PACRG: variants seen among roughly 807,000 people sequenced by gnomAD.
PACRG encodes the protein parkin coregulated gene protein.
Under a neutral mutation model 29.7 loss-of-function variants are expected in PACRG, and 29 were observed. The observed-to-expected ratio is 0.98, with a 90% confidence interval of 0.73 to 1.33. The LOEUF is 1.33. Among genes scored for constraint, PACRG ranks in the 40% most tolerant of loss-of-function variants. PACRG has a pLI of 0.00. For synonymous variants in PACRG, 116 were observed against 118.7 expected (o/e 0.98, Z 0.15); for missense variants, 279 against 316.2 (o/e 0.88, Z 0.89).
chr6:162,963,573 T>C (rs1357212360), intron 2 of PACRG, among the ~76,000 whole-genome samples: 1 of 150,372 alleles, frequency 6.7e-6, no homozygotes, highest in Non-Finnish European at 1.5e-5. Flanking sequence ...TAATACAATG[T>C]GTAAATTTGT....
intron 4 of PACRG, among the ~76,000 whole-genome samples, chr6:163,145,959 CAT>C (rs1777784762): frequency 6.6e-6 from 1 of 152,260 alleles, no homozygotes; most frequent in East Asian, 1.9e-4. Flanking sequence ...ACCTTTCTAA[CAT>C]GTATTAAGTC....
Position 162,796,292 on chromosome 6 carries a change from G to GT in PACRG, c.157-17850dup, listed in dbSNP as rs139268894. Among the ~76,000 whole-genome samples the GT allele has an allele frequency of 2.1e-3, 323 of 152,058 alleles. 7 individuals are homozygous for GT. The East Asian group carries it at 0.056, about 26-fold the overall frequency. On this transcript the variant is annotated intron_variant, in intron 1 of 4. Transcript: ENST00000366888. ...GTCACTTTGTTTTTAGCACAGACGT[G>GT]TTTTTCTTTATGATCAAAACTGAAA...
intron 2 of PACRG, among the ~76,000 whole-genome samples, chr6:162,939,205 A>C (rs567599473): frequency 3.3e-5 from 5 of 152,302 alleles, no homozygotes; most frequent in African/African-American, 4.8e-5. Context: ...AGCCACATGT[A>C]GTAGAATGAA....
chr6:163,300,572 C>T (rs1784950146), intron 4 of PACRG, among the ~76,000 whole-genome samples: 1 of 152,202 alleles, frequency 6.6e-6, no homozygotes. Flanking sequence ...TCCTCGTGGC[C>T]AGCAACGGGC....
chr6:162,929,106 G>T (rs888407497), intron 2 of PACRG, among the ~76,000 whole-genome samples: 2 of 151,826 alleles, frequency 1.3e-5, no homozygotes, highest in Non-Finnish European at 2.9e-5. Context: ...TTAATATATT[G>T]ATTCCCTTTC....
chr6:163,281,634 T>G (rs1784230323), intron 4 of PACRG, among the ~76,000 whole-genome samples: 1 of 152,154 alleles, frequency 6.6e-6, no homozygotes, highest in African/African-American at 2.4e-5. Context: ...CTCTAGTAAA[T>G]GAACCTTCAA....
chr6:162,913,168 C>T (rs1796432112), intron 2 of PACRG, among the ~76,000 whole-genome samples: 1 of 152,156 alleles, frequency 6.6e-6, no homozygotes, highest in South Asian at 2.1e-4. Flanking sequence ...GGTGTACAAT[C>T]TGCTAAATGT....
At chr6:163,265,277 T>G (rs1284621141) in intron 4 of PACRG, among the ~76,000 whole-genome samples, 1 of 152,164 alleles carries the variant, frequency 6.6e-6, no homozygotes, top group Non-Finnish European at 1.5e-5. Context: ...CCATCACCTG[T>G]GTGCAGGCCC....
chr6:162,776,984 A>T (rs1286045954), intron 1 of PACRG, among the ~76,000 whole-genome samples: 123 of 152,330 alleles, frequency 8.1e-4, no homozygotes, highest in Non-Finnish European at 7.3e-5. Flanking sequence ...TACAGTGCAC[A>T]CTGCTCAGGT....
chr6:162,906,175 A>G (rs945479798), intron 2 of PACRG, among the ~76,000 whole-genome samples: 6 of 152,186 alleles, frequency 3.9e-5, no homozygotes, highest in Non-Finnish European at 8.8e-5. Context: ...GTGTGTTCCA[A>G]AAAAAGGAAT....
At chr6:163,126,172 A>C (rs576596087) in intron 4 of PACRG, among the ~76,000 whole-genome samples, 1 of 152,302 alleles carries the variant, frequency 6.6e-6, no homozygotes, top group South Asian at 2.1e-4. Flanking sequence ...CTGGGATGAT[A>C]AATTTTTATT....
Position 162,933,430 on chromosome 6 carries a change from G to T in PACRG, c.291+119149G>T, listed in dbSNP as rs114946633. 9.0e-3 allele frequency among the ~76,000 whole-genome samples: 1,369 copies of T among 152,170 alleles called. 15 individuals are homozygous for T. The highest frequency in any genetic ancestry group is 0.024 in the African/African-American group (995 of 41,534). ...CTAGATGATTTTTCCAAACCTAAAAGTGGGGTATTGAAGTCCCCAGCTTTT... is the reference window on the plus strand; with the variant it reads ...CTAGATGATTTTTCCAAACCTAAAATTGGGGTATTGAAGTCCCCAGCTTTT... On this transcript the variant is annotated intron_variant, in intron 2 of 4. Transcript: ENST00000366888.
chr6:162,766,372 GTCGCAAA>G (rs1782794447), intron 1 of PACRG, among the ~76,000 whole-genome samples: 1 of 152,008 alleles, frequency 6.6e-6, no homozygotes, highest in Admixed American at 6.6e-5. Context: ...TTCTCATGTT[GTCGCAAA>G]TGATAGAATT....
At chr6:163,193,174 G>A (rs988473539) in intron 4 of PACRG, among the ~76,000 whole-genome samples, 8 of 152,020 alleles carry the variant, frequency 5.3e-5, no homozygotes, top group African/African-American at 1.9e-4. Context: ...TCATTTTTAA[G>A]GTGGTGATAG....
chr6:162,810,220 T>C (rs1481946689), intron 1 of PACRG, among the ~76,000 whole-genome samples: 4 of 152,094 alleles, frequency 2.6e-5, no homozygotes, highest in African/African-American at 9.7e-5. Flanking sequence ...TGAAGCATTC[T>C]CTCCTCTGGG....
At chr6:162,727,593 G>A, upstream of PACRG, 8 of 1,502,638 alleles carry the variant, frequency 5.3e-6, no homozygotes, top group South Asian at 1.2e-5. Flanking sequence ...GTCGGCCGAG[G>A]CGGGGCGTGG....
chr6:162,845,264 TATGCAACGGTACGTTCCAA>T (rs1295127861), intron 2 of PACRG, among the ~76,000 whole-genome samples: 2 of 152,158 alleles, frequency 1.3e-5, no homozygotes, highest in East Asian at 3.8e-4. Flanking sequence ...CCCCATTGTA[TATGCAACGGTACGTTCCAA>T]AATTAAACCT....
intron 1 of PACRG, among the ~76,000 whole-genome samples, chr6:162,779,683 GA>G (rs1406602906): frequency 1.3e-5 from 2 of 152,190 alleles, no homozygotes; most frequent in Non-Finnish European, 2.9e-5. Flanking sequence ...CCTTCTCTTA[GA>G]ATAAGTATTG....
At chr6:163,046,585 A>G (rs969843034) in intron 2 of PACRG, 6 of 152,046 alleles carry the variant, frequency 3.9e-5, no homozygotes, top group African/African-American at 1.4e-4. Flanking sequence ...ACTACATACC[A>G]GTGATGGCTT....
Sources: gnomAD v4.1 joint callset for allele counts (sites outside exome capture counted in the v4.1 genomes callset) on GRCh38, gnomAD v4.1.1 for gene constraint, MANE v1.5 for transcripts, NCBI Gene and HGNC (gene_info 2026-07-23, HGNC 2026-07-21) for gene names.